RELCH: variants seen among roughly 807,000 people sequenced by gnomAD.
RELCH encodes the protein RAB11 binding and LisH domain, coiled-coil and HEAT repeat containing.
RELCH carries 41 observed loss-of-function variants against 150.3 expected under a neutral mutation model. That is an observed-to-expected ratio of 0.27 (90% CI 0.21 to 0.35). The LOEUF (loss-of-function observed/expected upper bound fraction) is 0.35, where lower values mean the gene tolerates loss of function less well. RELCH is among the 10% of genes least tolerant of loss of function. RELCH has a pLI of 1.00. For missense variants in RELCH, 1,092 were observed against 1,467.8 expected, an observed-to-expected ratio of 0.74 and a Z score of 4.18; for synonymous variants, 478 against 531.8, an observed-to-expected ratio of 0.90 and a Z score of 1.39.
intron 2 of RELCH, among the ~76,000 whole-genome samples, chr18:62,220,314 CTG>C (rs142840033): frequency 0.14 from 21,495 of 150,564 alleles, 1,803 homozygotes; most frequent in African/African-American, 0.24. Context: ...AAAAGTGAAA[CTG>C]TTTCTATCCT....
At chr18:62,242,604 T>TGGGCCAGAG (rs2042204024) in intron 10 of RELCH, among the ~76,000 whole-genome samples, 1 of 152,184 alleles carries the variant, frequency 6.6e-6, no homozygotes, top group Admixed American at 6.6e-5. Flanking sequence ...GTAAGAACTC[T>TGGGCCAGAG]TTCAGCTCCT....
chr18:62,280,981 C>A (rs2044484494), intron 24 of RELCH, among the ~76,000 whole-genome samples: 1 of 152,164 alleles, frequency 6.6e-6, no homozygotes, highest in African/African-American at 2.4e-5. Flanking sequence ...GTCATGGGTT[C>A]TTAGTTTCTC....
At position 62,211,162 on chromosome 18, in the gene RELCH, G is replaced by C; in HGVS notation, c.536G>C (p.Gly179Ala). The C allele has an allele frequency of 6.3e-7, 1 of 1,584,802 alleles. No individual in the cohort carries two copies. Among genetic ancestry groups the C allele is most frequent in the African/African-American group, 1.3e-5 (1 of 74,240 alleles). The change falls in exon 2 of 29, where the codon GGG becomes GCG. Residue 179 changes from glycine (G) to alanine (A), a missense_variant. Physicochemically the swap from Gly to Ala is moderately conservative, Grantham distance 60. Around this residue, in one of 4 missense-constraint regions of RELCH, gnomAD observed 190 missense variants for 276.2 expected, o/e 0.69. Coordinates refer to ENST00000644646, the MANE Select transcript of RELCH (RefSeq NM_001346231.2). ...TTTCTCTTTATTATAGATCGAGCTGGGAGCATTAGTACCCTTGATTCTTTA... is the reference window on the plus strand; with the variant it reads ...TTTCTCTTTATTATAGATCGAGCTGCGAGCATTAGTACCCTTGATTCTTTA... ...ASGGGQLNRA[G>A]SISTLDSLDF... is the part of the protein sequence containing the mutation.
rs1480514151 is a variant in RELCH at position 62,280,399 on chromosome 18, C to T, written c.3051-247C>T. 2.5e-6 allele frequency: 4 copies of T among 1,613,846 alleles called. No individual in the cohort carries two copies. In the South Asian group the frequency reaches 3.3e-5, roughly 13 times the overall value. ...CATGAGTGAAGCGTTAGTTGACAAG[C>T]GGGTTGCTCCGGCCCTTGTTACCTT... On this transcript the variant is annotated intron_variant, in intron 23 of 28. Transcript: ENST00000644646.
At chr18:62,253,115 G>A (rs1043691326) in intron 12 of RELCH, among the ~76,000 whole-genome samples, 5 of 152,098 alleles carry the variant, frequency 3.3e-5, no homozygotes, top group African/African-American at 9.7e-5. Context: ...CAGGATAAGG[G>A]TGAGAGAGTG....
chr18:62,261,548 T>G lies in RELCH; in HGVS notation c.2240T>G (p.Met747Arg). The G allele has an allele frequency of 6.2e-7, 1 of 1,612,090 alleles. No individual in the cohort carries two copies. The highest frequency in any genetic ancestry group is 8.5e-7 in the Non-Finnish European group (1 of 1,178,774). Residue 747 changes from methionine (M) to arginine (R), a missense_variant, in exon 16 of 29, where the codon ATG becomes AGG. This residue lies in a region of RELCH where 707 missense variants were observed against 1,025.4 expected (regional missense o/e 0.69). Coordinates refer to ENST00000644646, the MANE Select transcript of RELCH (RefSeq NM_001346231.2). The part of the protein sequence containing the change: ...EHGLDEHKLH[M>R]YLSALQSLIP... ...GGACTGGATGAACACAAACTCCACA[T>G]GTATCTTTCTGCCTTGCAGTCCTTG...
intron 2 of RELCH, chr18:62,220,755 G>A: frequency 2.5e-6 from 1 of 393,950 alleles, no homozygotes; most frequent in Admixed American, 4.4e-5. Flanking sequence ...ATGAGAGTAT[G>A]CCATAGATTT....
At position 62,287,430 on chromosome 18, in the gene RELCH, G is replaced by A. The variant is rs17646799; in HGVS notation, c.3333G>A (p.Thr1111=). 4,908 of 1,606,278 alleles carry A rather than the reference G, an allele frequency of 3.1e-3. 13 individuals are homozygous for A. Among genetic ancestry groups the A allele is most frequent in the Non-Finnish European group, 3.7e-3 (4,320 of 1,173,964 alleles). ...IVDSKRLDIA[T]HLFEAYSALS... is the part of the protein sequence containing the mutation. Reference sequence around the variant, plus strand: ...ATTCTAAAAGACTGGACATTGCTACGCATCTTTTTGAAGCCTACAGTGCAC... The same window carrying A: ...ATTCTAAAAGACTGGACATTGCTACACATCTTTTTGAAGCCTACAGTGCAC... Residue 1111 remains threonine (T), a synonymous_variant, in exon 26 of 29, where the codon ACG becomes ACA. Coordinates refer to ENST00000644646, the MANE Select transcript of RELCH (RefSeq NM_001346231.2).
intron 13 of RELCH, among the ~76,000 whole-genome samples, chr18:62,257,541 G>A (rs2043049889): frequency 6.6e-6 from 1 of 152,024 alleles, no homozygotes; most frequent in African/African-American, 2.4e-5. Flanking sequence ...TGACACGAGA[G>A]TCATTGTCCA....
intron 15 of RELCH, among the ~76,000 whole-genome samples, 176 bp from the exon 16 acceptor site, chr18:62,261,335 A>G (rs1394749078): frequency 2.0e-5 from 3 of 152,052 alleles, no homozygotes; most frequent in African/African-American, 4.8e-5. Flanking sequence ...TGTTTACCCT[A>G]TAGTTTTCCA....
At chr18:62,225,235 G>C (rs1163462796) in intron 5 of RELCH, among the ~76,000 whole-genome samples, 1 of 151,700 alleles carries the variant, frequency 6.6e-6, no homozygotes, top group Non-Finnish European at 1.5e-5. Flanking sequence ...CTAAAAAGCT[G>C]TAAGGCTTCT....
intron 2 of RELCH, among the ~76,000 whole-genome samples, chr18:62,216,941 C>A (rs2040511654): frequency 1.3e-5 from 2 of 151,954 alleles, no homozygotes; most frequent in South Asian, 4.1e-4. Context: ...ATATCTAAAT[C>A]TTATTTCATA....
chr18:62,262,057 ATTTTAT>A (rs1212204770), intron 16 of RELCH, among the ~76,000 whole-genome samples: 2 of 152,000 alleles, frequency 1.3e-5, no homozygotes, highest in East Asian at 3.9e-4. Context: ...CAACTTTTTA[ATTTTAT>A]TTTTAATAGA....
chr18:62,201,651 T>A (rs2039453525), intron 1 of RELCH, among the ~76,000 whole-genome samples: 1 of 152,204 alleles, frequency 6.6e-6, no homozygotes, highest in Admixed American at 6.6e-5. Context: ...CAGAGTCAGT[T>A]ATTATTAATA....
intron 1 of RELCH, among the ~76,000 whole-genome samples, chr18:62,206,929 G>T (rs1388389251): frequency 1.3e-5 from 2 of 152,042 alleles, no homozygotes; most frequent in African/African-American, 2.4e-5. Flanking sequence ...TAGAGGCAGG[G>T]TCTTGCTATG....
intron 1 of RELCH, among the ~76,000 whole-genome samples, chr18:62,203,365 G>C (rs1210387184): frequency 6.6e-6 from 1 of 152,148 alleles, no homozygotes; most frequent in Non-Finnish European, 1.5e-5. Flanking sequence ...GCTGAGGCAG[G>C]AGAATGGCTT....
chr18:62,280,919 A>T (rs2144941939), intron 24 of RELCH, among the ~76,000 whole-genome samples: 1 of 152,294 alleles, frequency 6.6e-6, no homozygotes, highest in East Asian at 1.9e-4. Context: ...CCTCTCAGTC[A>T]GAACATTAAG....
At chr18:62,223,008 T>C (rs1454837176) in intron 5 of RELCH, among the ~76,000 whole-genome samples, 1 of 151,886 alleles carries the variant, frequency 6.6e-6, no homozygotes, top group African/African-American at 2.4e-5. Context: ...TTCATAGCAC[T>C]AAATGTCTAT....
At chr18:62,219,325 C>CTTTTTTTTTTTTTTT (rs202196452) in intron 2 of RELCH, among the ~76,000 whole-genome samples, 12 of 112,874 alleles carry the variant, frequency 1.1e-4, no homozygotes, top group East Asian at 5.0e-4. Flanking sequence ...TTCTTTTTTT[C>CTTTTTTTTTTTTTTT]TTTTTTTTTT....
Sources: allele counts gnomAD v4.1 joint callset (sites outside exome capture counted in the v4.1 genomes callset), GRCh38; gene constraint gnomAD v4.1.1; regional missense constraint gnomAD v4.1.1; transcripts MANE v1.5; gene names NCBI Gene and HGNC (gene_info 2026-07-23, HGNC 2026-07-21).